TRHDE: variants seen among roughly 807,000 people sequenced by gnomAD.
TRHDE encodes thyrotropin releasing hormone degrading enzyme, also known as thyrotropin-releasing hormone-degrading ectoenzyme.
In TRHDE, 72 loss-of-function variants were observed where a neutral mutation model predicts 125.7. That is an observed-to-expected ratio of 0.57 (90% CI 0.47 to 0.70). TRHDE has a LOEUF of 0.70. TRHDE is among the 30% of genes least tolerant of loss of function. The pLI, the probability that TRHDE is intolerant of heterozygous loss-of-function variation, is 0.00. For missense variants in TRHDE, 1,110 were observed against 1,327.1 expected, an observed-to-expected ratio of 0.84 and a Z score of 2.54; for synonymous variants, 509 against 509.1, an observed-to-expected ratio of 1.00 and a Z score of 0.00.
At chr12:72,653,277 C>A in intron 17 of TRHDE, 121 bp downstream of exon 17, 1 of 701,376 alleles carries the variant, frequency 1.4e-6, no homozygotes, top group Non-Finnish European at 2.1e-6. Flanking sequence ...AATATTCAAC[C>A]AAGATAAATG....
chr12:72,266,712 A>G, intron 2 of TRHDE, among the ~76,000 whole-genome samples: 1 of 152,002 alleles, frequency 6.6e-6, no homozygotes, highest in East Asian at 1.9e-4. Flanking sequence ...TGGATAGTTT[A>G]TATTTGGCTT....
intron 7 of TRHDE, among the ~76,000 whole-genome samples, chr12:72,552,023 T>C (rs1209957675): frequency 6.6e-6 from 1 of 151,884 alleles, no homozygotes; most frequent in Non-Finnish European, 1.5e-5. Flanking sequence ...GGTGGATGAG[T>C]AGAGTTAGTA....
chr12:72,235,824 C>T (rs1428969786), intron 2 of TRHDE, among the ~76,000 whole-genome samples: 1 of 152,196 alleles, frequency 6.6e-6, no homozygotes, highest in Non-Finnish European at 1.5e-5. Flanking sequence ...CACAAAACAT[C>T]TGCTAACATG....
At chr12:72,303,507 C>CT (rs997899377) in intron 2 of TRHDE, among the ~76,000 whole-genome samples, 13 of 151,992 alleles carry the variant, frequency 8.6e-5, no homozygotes, top group African/African-American at 2.4e-4. Flanking sequence ...CACCTGGGGA[C>CT]TTTTTTTCAA....
chr12:72,401,792 T>C (rs1442833870), intron 3 of TRHDE, among the ~76,000 whole-genome samples: 1 of 152,130 alleles, frequency 6.6e-6, no homozygotes, highest in Non-Finnish European at 1.5e-5. Flanking sequence ...ATAACTTGGG[T>C]TGGAGAGTGT....
At chr12:72,493,276 C>T (rs1312838003) in intron 5 of TRHDE, among the ~76,000 whole-genome samples, 1 of 151,870 alleles carries the variant, frequency 6.6e-6, no homozygotes, top group African/African-American at 2.4e-5. Context: ...AAGGAAATAA[C>T]TGTATTTGGA....
chr12:72,462,652 T>C (rs1189063035), intron 3 of TRHDE, among the ~76,000 whole-genome samples: 1 of 152,194 alleles, frequency 6.6e-6, no homozygotes, highest in Admixed American at 6.5e-5. Context: ...CTGCCCTGTC[T>C]TGGATTGGGT....
intron 2 of TRHDE, among the ~76,000 whole-genome samples, chr12:72,155,415 C>T (rs971372979): frequency 6.6e-6 from 1 of 152,178 alleles, no homozygotes. Context: ...CTCCATCCTG[C>T]TTTGTTCTGT....
At chr12:72,588,506 T>C (rs1357412471) in intron 12 of TRHDE, among the ~76,000 whole-genome samples, 3 of 152,192 alleles carry the variant, frequency 2.0e-5, no homozygotes, top group African/African-American at 7.2e-5. Flanking sequence ...GATCATGTAA[T>C]AAACTATTGT....
At chr12:72,396,486 C>T (rs904206833) in intron 3 of TRHDE, among the ~76,000 whole-genome samples, 1 of 152,142 alleles carries the variant, frequency 6.6e-6, no homozygotes, top group African/African-American at 2.4e-5. Flanking sequence ...TGGCTCACAC[C>T]TGTAATCTCA....
At chr12:72,595,363 G>A (rs890431612) in intron 12 of TRHDE, among the ~76,000 whole-genome samples, 14 of 151,896 alleles carry the variant, frequency 9.2e-5, no homozygotes, top group African/African-American at 1.7e-4. Context: ...ACTAAGATTT[G>A]TCTTCAGAAC....
At chr12:72,203,289 G>A (rs1247986086) in intron 2 of TRHDE, among the ~76,000 whole-genome samples, 2 of 151,986 alleles carry the variant, frequency 1.3e-5, no homozygotes, top group East Asian at 3.9e-4. Flanking sequence ...GTGAAATCCC[G>A]TCTCTACTAA....
At chr12:72,142,804 G>A (rs373330278) in intron 2 of TRHDE, among the ~76,000 whole-genome samples, 1 of 152,028 alleles carries the variant, frequency 6.6e-6, no homozygotes, top group South Asian at 2.1e-4. Flanking sequence ...TTCAGTAGGG[G>A]ACAGTCAGGG....
At chr12:72,250,863 T>TA (rs5799071) in intron 2 of TRHDE, among the ~76,000 whole-genome samples, 73 of 143,072 alleles carry the variant, frequency 5.1e-4, no homozygotes, top group African/African-American at 7.3e-4. Context: ...TATATATATA[T>TA]TTTATTTTTA....
intron 5 of TRHDE, among the ~76,000 whole-genome samples, chr12:72,479,482 C>T (rs965075804): frequency 5.3e-5 from 8 of 151,900 alleles, no homozygotes; most frequent in South Asian, 2.1e-4. Flanking sequence ...CATTAGTATT[C>T]GTGTATATTC....
rs548907575 is a variant in TRHDE, at chr12:72,664,591, G to C, written c.*1396G>C. 5 of 152,052 alleles carry C rather than the reference G, an allele frequency of 3.3e-5. No homozygotes were observed. Among genetic ancestry groups the C allele is most frequent in the Non-Finnish European group, 7.4e-5 (5 of 67,998 alleles). 9.4% of individuals were successfully genotyped at this position (152,052 alleles called of 1,614,324 possible). A position where few individuals can be genotyped will look rare whatever the true frequency, so the allele number is the denominator to read the frequency against. The stretch of plus-strand genomic sequence containing the variant: ...CACCCAGTAGGCCAGCTCTCCAAAC[G>C]TTGCTTAGATGCTTCAAAATTAGCA... On this transcript the variant is annotated 3_prime_UTR_variant, in exon 19 of 19. Transcript: ENST00000261180.
At chr12:72,601,117 G>A (rs1252346387) in intron 12 of TRHDE, among the ~76,000 whole-genome samples, 1 of 152,110 alleles carries the variant, frequency 6.6e-6, no homozygotes, top group African/African-American at 2.4e-5. Flanking sequence ...GAACATTTAT[G>A]ATTTATGGGA....
intron 2 of TRHDE, among the ~76,000 whole-genome samples, chr12:72,188,308 A>C: frequency 6.6e-6 from 1 of 152,256 alleles, no homozygotes; most frequent in East Asian, 1.9e-4. Flanking sequence ...TGGCATTTGG[A>C]ATAAAACTAG....
chr12:72,182,704 AATC>A (rs1332182711), intron 2 of TRHDE, among the ~76,000 whole-genome samples: 2 of 152,182 alleles, frequency 1.3e-5, no homozygotes, highest in Non-Finnish European at 2.9e-5. Context: ...AAAGAAAGAG[AATC>A]AACAAAAGCC....
Sources: allele counts gnomAD v4.1 joint callset (sites outside exome capture counted in the v4.1 genomes callset), GRCh38; gene constraint gnomAD v4.1.1; transcripts MANE v1.5; gene names NCBI Gene and HGNC (gene_info 2026-07-23, HGNC 2026-07-21).